Variants in CYP4F12 observed in about 807,000 individuals in gnomAD.
The protein encoded by CYP4F12 is cytochrome P450 family 4 subfamily F member 12, also known as cytochrome P450 4F12.
Under a neutral mutation model 56.5 loss-of-function variants are expected in CYP4F12, and 60 were observed. The observed-to-expected ratio is 1.06, with a 90% CI of 0.86 to 1.32. The LOEUF is 1.32. Ranked by LOEUF, CYP4F12 falls within the 40% of genes most tolerant of loss-of-function variation. The probability of loss-of-function intolerance (pLI) is 0.00; values close to 1 mark genes in which losing one functional copy is unlikely to be tolerated. For missense variants in CYP4F12, 711 were observed against 683.5 expected (o/e 1.04, Z -0.45); for synonymous variants, 263 against 264.9 (o/e 0.99, Z 0.07).
intron 9 of CYP4F12, among the ~76,000 whole-genome samples, chr19:15,693,044 C>T (rs1338873192): frequency 6.6e-6 from 1 of 152,142 alleles, no homozygotes; most frequent in Non-Finnish European, 1.5e-5. Flanking sequence ...TGTCACTGCA[C>T]TCCAGCCTGA....
rs2008030726 is a variant in CYP4F12, at chr19:15,694,506, A to T, written c.1116-1430A>T. 2.0e-5 allele frequency among the ~76,000 whole-genome samples: 3 copies of T among 152,096 alleles called. No homozygotes were observed. In the South Asian group the frequency reaches 6.2e-4, roughly 32 times the overall value. ...CTCTCTGTTTGTCTGTTATTGGTGT[A>T]TAAGAATGCTTGTGATTTTTGTCCA... On this transcript the variant is annotated intron_variant, in intron 9 of 12. Transcript: ENST00000550308.
chr19:15,696,167 C>T lies in CYP4F12; in HGVS notation c.1256C>T (p.Thr419Ile), dbSNP rs775023783. 3 of 1,614,054 alleles carry T rather than the reference C, an allele frequency of 1.9e-6. No homozygotes were observed. The highest frequency in any genetic ancestry group is 2.5e-6 in the Non-Finnish European group (3 of 1,179,950). Residue 419 changes from threonine (T) to isoleucine (I), a missense_variant, in exon 11 of 13, where the codon ACC (threonine) becomes ATC (isoleucine). Coordinates refer to ENST00000550308, the MANE Select transcript of CYP4F12 (RefSeq NM_023944.4). ...PDGRVIPKGI[T>I]CLIDIIGVHH... ...GCCCCTTTCTCTCCCACAGGCATTA[C>T]CTGCCTCATCGATATTATAGGGGTC...
intron 12 of CYP4F12, 136 bp from the exon 13 acceptor site, chr19:15,696,772 C>A: frequency 8.0e-7 from 1 of 1,255,114 alleles, no homozygotes; most frequent in Non-Finnish European, 1.1e-6. Context: ...ACATGGGAGT[C>A]CCAGGCACGC....
rs751833941 is a variant in CYP4F12, at chr19:15,697,114, C to A, written c.*29C>A. The A allele has an allele frequency of 3.8e-6, 6 of 1,597,112 alleles. No individual in the cohort carries two copies. Among genetic ancestry groups the A allele is most frequent in the Non-Finnish European group, 5.1e-6 (6 of 1,168,096 alleles). ...TCTGACCCATCCACCTGTTTTTTTG[C>A]AGATTGTCATGAATAAAACGGTGCT... is the stretch of plus-strand genomic sequence containing the variant. On this transcript the variant is annotated 3_prime_UTR_variant, in exon 13 of 13. Coordinates refer to ENST00000550308, the MANE Select transcript of CYP4F12 (RefSeq NM_023944.4).
At chr19:15,687,229 A>T (rs12151252) in intron 9 of CYP4F12, among the ~76,000 whole-genome samples, 7,372 of 151,376 alleles carry the variant, frequency 0.049, 278 homozygotes, top group Non-Finnish European at 0.078. Flanking sequence ...GTGAGCTGAG[A>T]TGGCACCATT....
intron 2 of CYP4F12, among the ~76,000 whole-genome samples, chr19:15,677,033 T>C (rs2006976689): frequency 6.7e-6 from 1 of 148,512 alleles, no homozygotes; most frequent in African/African-American, 2.5e-5. Context: ...ATTCCTCTCC[T>C]CACTCACTCA....
At chr19:15,696,094 G>T in intron 10 of CYP4F12, 25 bp downstream of exon 10, 6 of 1,611,224 alleles carry the variant, frequency 3.7e-6, no homozygotes, top group Non-Finnish European at 5.1e-6. Flanking sequence ...AGGGGGAGAA[G>T]CCTCCCGGGT....
chr19:15,691,076 C>A (rs1457009090), intron 9 of CYP4F12, among the ~76,000 whole-genome samples: 15 of 152,316 alleles, frequency 9.8e-5, no homozygotes, highest in African/African-American at 3.4e-4. Context: ...GTTGAAGACA[C>A]TTGCGTAAAC....
chr19:15,689,807 T>G (rs1200739331), intron 9 of CYP4F12, among the ~76,000 whole-genome samples: 1 of 151,366 alleles, frequency 6.6e-6, no homozygotes, highest in Non-Finnish European at 1.5e-5. Context: ...TGCCGCAACT[T>G]GGATGGAGCT....
chr19:15,690,565 G>C (rs2007823089), intron 9 of CYP4F12, among the ~76,000 whole-genome samples: 1 of 152,106 alleles, frequency 6.6e-6, no homozygotes, highest in African/African-American at 2.4e-5. Context: ...AGTTAATTAA[G>C]GTTATGTGCT....
intron 9 of CYP4F12, among the ~76,000 whole-genome samples, chr19:15,691,013 T>C (rs957125653): frequency 6.6e-6 from 1 of 152,258 alleles, no homozygotes; most frequent in East Asian, 1.9e-4. Flanking sequence ...GTCTGACAGA[T>C]ATTTTTTCTG....
At chr19:15,694,168 G>A (rs2008011863) in intron 9 of CYP4F12, among the ~76,000 whole-genome samples, 1 of 150,886 alleles carries the variant, frequency 6.6e-6, no homozygotes, top group Non-Finnish European at 1.5e-5. Flanking sequence ...ACTTGGCGAT[G>A]CGGGCTCCTT....
In CYP4F12 at chr19:15,696,930, G is replaced by A. The variant is rs781267150; in HGVS notation, c.1420G>A (p.Ala474Thr). The change falls in exon 13 of 13, where the codon GCC (alanine) becomes ACC (threonine). Residue 474 changes from alanine to threonine, a missense_variant. Transcript: ENST00000550308. ...GPRNCIGQAF[A>T]MAEMKVVLAL... is the part of the protein sequence containing the mutation. The stretch of plus-strand genomic sequence containing the variant: ...CAGGAACTGCATCGGGCAGGCGTTC[G>A]CCATGGCGGAGATGAAAGTGGTCCT... The A allele has an allele frequency of 1.9e-6, 3 of 1,613,768 alleles. No homozygotes were observed. The highest frequency in any genetic ancestry group is 2.5e-6 in the Non-Finnish European group (3 of 1,179,812).
At chr19:15,694,999 T>C (rs559579024) in intron 9 of CYP4F12, among the ~76,000 whole-genome samples, 2 of 152,312 alleles carry the variant, frequency 1.3e-5, no homozygotes, top group East Asian at 3.9e-4. Flanking sequence ...ATCCCATTAC[T>C]GGGTATATAC....
At chr19:15,693,369 G>A (rs1045901032) in intron 9 of CYP4F12, among the ~76,000 whole-genome samples, 4 of 152,148 alleles carry the variant, frequency 2.6e-5, no homozygotes, top group African/African-American at 9.7e-5. Flanking sequence ...GTTTATAAAC[G>A]TTTTCCAGTG....
intron 12 of CYP4F12, 107 bp from the exon 13 acceptor site, chr19:15,696,801 T>C (rs2008163815): frequency 1.4e-6 from 2 of 1,403,354 alleles, no homozygotes; most frequent in Non-Finnish European, 9.5e-7. Flanking sequence ...TCTCTCTCTC[T>C]CTCAGGCTGA....
rs628603 is a variant in CYP4F12, at chr19:15,683,785, A to G, written c.918+22A>G. ...CAAGGTAGGTTTCTCTATGATCTGA[A>G]TTTAGGTGAGAGAATAGAGCTTCAT... On this transcript the variant is annotated intron_variant, in intron 7 of 12. Transcript: ENST00000550308. 7,033 of 1,513,662 alleles carry G rather than the reference A, an allele frequency of 4.6e-3. 59 individuals are homozygous for G. In the African/African-American group the frequency reaches 0.087, roughly 19 times the overall value. The allele number at this position is 1,513,662 out of a possible 1,614,324, so 93.8% of individuals were successfully genotyped here. A position where few individuals can be genotyped will look rare whatever the true frequency, so the allele number is the denominator to read the frequency against.
At chr19:15,696,323 A>G in intron 11 of CYP4F12, 98 bp downstream of exon 11, 2 of 1,610,184 alleles carry the variant, frequency 1.2e-6, no homozygotes, top group Admixed American at 1.7e-5. Flanking sequence ...CAGGGTTTTG[A>G]TGAGGAAAAT....
Position 15,689,004 on chromosome 19 carries a change from G to A in CYP4F12, c.1115+3807G>A, listed in dbSNP as rs111565216. Among the ~76,000 whole-genome samples the A allele has an allele frequency of 7.4e-3, 1,128 of 152,144 alleles. 7 individuals carry two copies. Among genetic ancestry groups the A allele is most frequent in the African/African-American group, 0.026 (1,074 of 41,510 alleles). ...CATAACAATTTTATAAGATAACCTT[G>A]GAAAAACTCTTTTGGACATTGGCCT... On this transcript the variant is annotated intron_variant, in intron 9 of 12. Coordinates refer to ENST00000550308, the MANE Select transcript of CYP4F12 (RefSeq NM_023944.4).
Sources: gnomAD v4.1 joint callset for allele counts (sites outside exome capture counted in the v4.1 genomes callset) on GRCh38, gnomAD v4.1.1 for gene constraint, MANE v1.5 for transcripts, NCBI Gene and HGNC (gene_info 2026-07-23, HGNC 2026-07-21) for gene names.